Variants in PEAK1 observed in about 807,000 individuals in gnomAD.
The protein encoded by PEAK1 is pseudopodium enriched atypical kinase 1.
Under a neutral mutation model 124.7 loss-of-function variants are expected in PEAK1, and 54 were observed. The ratio of observed to expected loss-of-function variants is 0.43; its 90% confidence interval spans 0.35 to 0.54. The LOEUF (loss-of-function observed/expected upper bound fraction) is 0.54, where lower values mean the gene tolerates loss of function less well. PEAK1 is among the 20% of genes least tolerant of loss of function. The pLI is 0.01. For synonymous variants in PEAK1, 719 were observed against 760.0 expected, an observed-to-expected ratio of 0.95 and a Z score of 0.89; for missense variants, 2,046 against 2,134.5, an observed-to-expected ratio of 0.96 and a Z score of 0.82.
At chr15:77,151,271 G>A (rs1379909577) in intron 8 of PEAK1, among the ~76,000 whole-genome samples, 1 of 151,728 alleles carries the variant, frequency 6.6e-6, no homozygotes, top group Non-Finnish European at 1.5e-5. Flanking sequence ...CAGTGATGAT[G>A]AGCATTTTTT....
chr15:77,286,883 T>G (rs554169770), intron 2 of PEAK1, among the ~76,000 whole-genome samples: 1 of 152,308 alleles, frequency 6.6e-6, no homozygotes, highest in African/African-American at 2.4e-5. Context: ...CTACAGTTCT[T>G]AACCTTTTGG....
At chr15:77,415,809 C>T (rs1454373060) in intron 1 of PEAK1, among the ~76,000 whole-genome samples, 1 of 152,176 alleles carries the variant, frequency 6.6e-6, no homozygotes, top group Non-Finnish European at 1.5e-5. Flanking sequence ...TGTCTCCATC[C>T]ACCAGCCAGT....
intron 2 of PEAK1, among the ~76,000 whole-genome samples, chr15:77,313,594 G>A (rs1057382513): frequency 2.0e-5 from 3 of 150,688 alleles, no homozygotes; most frequent in Non-Finnish European, 3.0e-5. Context: ...AGCCTCCTGA[G>A]TAGCTGGGAT....
At chr15:77,411,198 C>T (rs1273288444) in intron 1 of PEAK1, among the ~76,000 whole-genome samples, 1 of 150,986 alleles carries the variant, frequency 6.6e-6, no homozygotes, top group Admixed American at 6.6e-5. Context: ...TAAGGCCAAC[C>T]CTGCTTGATT....
intron 2 of PEAK1, among the ~76,000 whole-genome samples, chr15:77,345,580 A>G (rs754784973): frequency 2.0e-5 from 3 of 152,222 alleles, no homozygotes; most frequent in Non-Finnish European, 4.4e-5. Flanking sequence ...AAAAAGGATC[A>G]AGGTGAACCA....
At chr15:77,162,198 G>C (rs2055708632) in intron 7 of PEAK1, among the ~76,000 whole-genome samples, 2 of 151,820 alleles carry the variant, frequency 1.3e-5, no homozygotes, top group Non-Finnish European at 1.5e-5. Context: ...CATTAATTTA[G>C]TAAGGGAATT....
intron 7 of PEAK1, among the ~76,000 whole-genome samples, chr15:77,161,965 CAA>C (rs33972250): frequency 4.7e-5 from 4 of 84,506 alleles, no homozygotes; most frequent in East Asian, 4.0e-4. Flanking sequence ...GACTCTGTCT[CAA>C]AAAAAAAAAA....
At chr15:77,370,622 A>G (rs2068571412) in intron 1 of PEAK1, 1 of 894,168 alleles carries the variant, frequency 1.1e-6, no homozygotes, top group Non-Finnish European at 1.3e-6. Context: ...TTGCCTACCC[A>G]TAATTTTGAA....
chr15:77,339,401 T>C (rs931982458), intron 2 of PEAK1, among the ~76,000 whole-genome samples: 41 of 152,214 alleles, frequency 2.7e-4, no homozygotes, highest in African/African-American at 8.9e-4. Context: ...GTAAGTACTT[T>C]AGATACAGGT....
intron 9 of PEAK1, among the ~76,000 whole-genome samples, chr15:77,120,484 T>C (rs1226719957): frequency 6.6e-6 from 1 of 152,236 alleles, no homozygotes; most frequent in Non-Finnish European, 1.5e-5. Flanking sequence ...CAAATTCACT[T>C]TGGATTTCTC....
At chr15:77,198,810 C>T (rs970341471) in intron 6 of PEAK1, among the ~76,000 whole-genome samples, 2 of 152,126 alleles carry the variant, frequency 1.3e-5, no homozygotes, top group African/African-American at 4.8e-5. Flanking sequence ...AAAGATTTGG[C>T]TTAAAAAATG....
In PEAK1 at chr15:77,285,553, T is replaced by G. The variant is rs529442460; in HGVS notation, c.-520-498A>C. On this transcript the variant is annotated intron_variant, in intron 3 of 9. Transcript: ENST00000682557. ...AAATACGGTTTGGAGTCAGCAGATA[T>G]GAGTCTGAATCCCAACTTAACTCTT... Among the ~76,000 whole-genome samples the G allele has an allele frequency of 5.3e-5, 8 of 152,342 alleles. No individual in the cohort carries two copies. In the East Asian group the frequency reaches 1.2e-3, roughly 22 times the overall value.
At chr15:77,399,942 T>C (rs772565177) in intron 1 of PEAK1, among the ~76,000 whole-genome samples, 2 of 152,080 alleles carry the variant, frequency 1.3e-5, no homozygotes, top group Admixed American at 1.3e-4. Context: ...AACCAGAATA[T>C]AGAAGGAGCT....
chr15:77,179,589 G>C lies in PEAK1; in HGVS notation c.2338C>G (p.Pro780Ala). The C allele has an allele frequency of 3.7e-6, 6 of 1,614,116 alleles. No individual in the cohort carries two copies. Among genetic ancestry groups the C allele is most frequent in the Non-Finnish European group, 5.1e-6 (6 of 1,180,018 alleles). ...GGGCCAGATTGAGGTGTTTCTGGAG[G>C]AGACTGTGGGGGTTGGATTGAAGCC... ...IVASIQPPQS[P>A]PETPQSGPKA... The change falls in exon 7 of 10, where the codon CCT becomes GCT. Residue 780 changes from proline (P) to alanine (A), a missense_variant. Transcript: ENST00000682557.
intron 2 of PEAK1, among the ~76,000 whole-genome samples, chr15:77,313,110 G>A (rs948388508): frequency 6.6e-5 from 10 of 152,194 alleles, no homozygotes; most frequent in African/African-American, 2.2e-4. Context: ...TAGGGCTATC[G>A]CAGGAAATAC....
exon 7 of PEAK1, chr15:77,102,392 T>C (rs147738599): frequency 6.6e-6 from 1 of 152,358 alleles, no homozygotes; most frequent in East Asian, 1.9e-4. Context: ...GACAAAGGTT[T>C]ATCACCTTTA....
At chr15:77,320,078 G>A (rs559321916) in intron 2 of PEAK1, among the ~76,000 whole-genome samples, 2 of 152,146 alleles carry the variant, frequency 1.3e-5, no homozygotes, top group African/African-American at 4.8e-5. Flanking sequence ...TGATGTAGAA[G>A]TAAAGAGCTT....
chr15:77,300,883 CCTCT>C (rs2063751540), intron 2 of PEAK1, among the ~76,000 whole-genome samples: 1 of 151,722 alleles, frequency 6.6e-6, no homozygotes, highest in Admixed American at 6.6e-5. Flanking sequence ...ATGGAGTCTC[CCTCT>C]GTCACCCAGG....
intron 1 of PEAK1, among the ~76,000 whole-genome samples, chr15:77,374,809 A>T (rs2141727362): frequency 6.6e-6 from 1 of 152,308 alleles, no homozygotes; most frequent in Non-Finnish European, 1.5e-5. Context: ...TCTCATTAAG[A>T]TCAATCTTTA....
Sources: allele counts gnomAD v4.1 joint callset (sites outside exome capture counted in the v4.1 genomes callset), GRCh38; gene constraint gnomAD v4.1.1; transcripts MANE v1.5; gene names NCBI Gene and HGNC (gene_info 2026-07-23, HGNC 2026-07-21).